Variants in UTRN observed in about 807,000 individuals in gnomAD.
The protein encoded by UTRN is utrophin, also known as dystrophin-related protein 1.
In UTRN, 283 loss-of-function variants were observed where a neutral mutation model predicts 463.9. That is an observed-to-expected ratio of 0.61 (90% CI 0.55 to 0.67). The LOEUF is 0.67. Among genes scored for constraint, UTRN ranks in the 30% least tolerant of loss-of-function variants. UTRN has a pLI of 0.00. For missense variants in UTRN, 3,922 were observed against 4,084.3 expected, an observed-to-expected ratio of 0.96 and a Z score of 1.08; for synonymous variants, 1,442 against 1,431.5, an observed-to-expected ratio of 1.01 and a Z score of -0.17.
chr6:144,531,487 CTG>C (rs1193079317), intron 42 of UTRN, among the ~76,000 whole-genome samples: 3 of 152,144 alleles, frequency 2.0e-5, no homozygotes. Flanking sequence ...AATTTGTAAA[CTG>C]TTATGCCTAA....
chr6:144,558,042 T>C (rs1479009497), intron 50 of UTRN, among the ~76,000 whole-genome samples: 1 of 152,240 alleles, frequency 6.6e-6, no homozygotes, highest in Non-Finnish European at 1.5e-5. Flanking sequence ...CGCACATCTT[T>C]ATTAAAATGC....
chr6:144,783,027 C>T (rs1045963173), intron 61 of UTRN, among the ~76,000 whole-genome samples: 1 of 152,006 alleles, frequency 6.6e-6, no homozygotes, highest in Non-Finnish European at 1.5e-5. Context: ...GAAACCCTGT[C>T]TCTACTAAAA....
chr6:144,787,201 G>A (rs1164817736), intron 61 of UTRN, among the ~76,000 whole-genome samples: 1 of 152,152 alleles, frequency 6.6e-6, no homozygotes, highest in African/African-American at 2.4e-5. Flanking sequence ...GGTCCAGAGA[G>A]TAAAAATTTC....
chr6:144,493,517 C>T (rs1793266343), intron 33 of UTRN, 61 bp downstream of exon 33: 2 of 1,520,862 alleles, frequency 1.3e-6, no homozygotes, highest in Non-Finnish European at 1.8e-6. Flanking sequence ...CTCAATCTCT[C>T]TCTCTCTCTC....
intron 62 of UTRN, among the ~76,000 whole-genome samples, chr6:144,792,302 T>A (rs1321771420): frequency 6.6e-6 from 1 of 152,146 alleles, no homozygotes; most frequent in Non-Finnish European, 1.5e-5. Context: ...TCCCCAGCAC[T>A]TTGGGAGGCC....
chr6:144,669,509 A>G (rs1780772514), intron 51 of UTRN, among the ~76,000 whole-genome samples: 1 of 152,140 alleles, frequency 6.6e-6, no homozygotes, highest in Non-Finnish European at 1.5e-5. Flanking sequence ...CCACTCTTTT[A>G]CTCTAAAAAC....
At chr6:144,375,180 T>C (rs1232942480) in intron 2 of UTRN, among the ~76,000 whole-genome samples, 1 of 152,242 alleles carries the variant, frequency 6.6e-6, no homozygotes, top group Non-Finnish European at 1.5e-5. Flanking sequence ...AGATGGACTC[T>C]ATTCTTTAGT....
At chr6:144,683,882 C>G (rs1310988584) in intron 52 of UTRN, among the ~76,000 whole-genome samples, 1 of 152,092 alleles carries the variant, frequency 6.6e-6, no homozygotes, top group African/African-American at 2.4e-5. Flanking sequence ...GGGACAATTG[C>G]CAGCCTCATT....
chr6:144,588,071 A>T (rs567849222), intron 51 of UTRN, among the ~76,000 whole-genome samples: 2 of 152,246 alleles, frequency 1.3e-5, no homozygotes, highest in African/African-American at 4.8e-5. Context: ...GGATACCCAC[A>T]CAGACTACTT....
intron 9 of UTRN, among the ~76,000 whole-genome samples, chr6:144,434,880 A>C (rs1326255343): frequency 1.3e-5 from 2 of 152,326 alleles, no homozygotes; most frequent in South Asian, 4.1e-4. Context: ...GTGGGTGGCC[A>C]GCTCTCCGGG....
intron 2 of UTRN, among the ~76,000 whole-genome samples, chr6:144,331,352 C>T (rs777741152): frequency 1.2e-4 from 18 of 151,902 alleles, no homozygotes; most frequent in Non-Finnish European, 2.6e-4. Flanking sequence ...GCACTTAATG[C>T]GTGTTTGTTG....
rs1235894770 is a variant in UTRN at position 144,490,162 on chromosome 6, G to A, written c.4226G>A (p.Arg1409Lys). The change falls in exon 31 of 75, where the codon AGG (arginine) becomes AAG (lysine). Residue 1409 changes from arginine (R) to lysine (K), a missense_variant. By Grantham distance (26) the Arg-to-Lys change is conservative (BLOSUM62 2). Coordinates refer to ENST00000367545, the MANE Select transcript of UTRN (RefSeq NM_007124.3). ...RSQPLTSPESRTARGGSQMDV... is the reference protein window; with the variant it reads ...RSQPLTSPESKTARGGSQMDV... ...CAGCCCCTGACCTCCCCAGAGAGTA[G>A]GACTGCCAGAGGAGGAAGTCAGATG... is the stretch of plus-strand genomic sequence containing the variant. The A allele has an allele frequency of 6.2e-7, 1 of 1,613,368 alleles. No homozygotes were observed. Among genetic ancestry groups the A allele is most frequent in the Non-Finnish European group, 8.5e-7 (1 of 1,179,652 alleles).
chr6:144,629,476 A>G (rs913549260), intron 51 of UTRN, among the ~76,000 whole-genome samples: 1 of 152,224 alleles, frequency 6.6e-6, no homozygotes, highest in Non-Finnish European at 1.5e-5. Flanking sequence ...CACTATTCCA[A>G]GTTATTGCTG....
intron 50 of UTRN, 92 bp from the exon 51 acceptor site, chr6:144,577,007 C>A: frequency 1.6e-6 from 2 of 1,259,444 alleles, no homozygotes; most frequent in Non-Finnish European, 1.1e-6. Context: ...CCTTTGGGGG[C>A]TGCCTGTTAG....
chr6:144,707,886 C>T (rs751303895), intron 53 of UTRN, among the ~76,000 whole-genome samples: 2 of 151,962 alleles, frequency 1.3e-5, no homozygotes, highest in East Asian at 1.9e-4. Flanking sequence ...CAAAACTATT[C>T]GTATAGAAAA....
intron 2 of UTRN, among the ~76,000 whole-genome samples, chr6:144,313,179 A>G (rs549934847): frequency 1.3e-5 from 2 of 152,290 alleles, no homozygotes; most frequent in African/African-American, 2.4e-5. Flanking sequence ...GAAGTAAAAA[A>G]TAAGCAATTT....
intron 51 of UTRN, among the ~76,000 whole-genome samples, chr6:144,642,980 C>G (rs944668615): frequency 3.9e-5 from 6 of 152,086 alleles, no homozygotes; most frequent in African/African-American, 1.4e-4. Flanking sequence ...AATCCCAAAT[C>G]CTCTGCTTCA....
chr6:144,788,024 A>T (rs892209001), intron 61 of UTRN, among the ~76,000 whole-genome samples: 1 of 152,156 alleles, frequency 6.6e-6, no homozygotes, highest in Non-Finnish European at 1.5e-5. Flanking sequence ...TGTGACTAAC[A>T]TTTGGTAGAT....
At chr6:144,774,828 A>C (rs1775174556) in intron 60 of UTRN, among the ~76,000 whole-genome samples, 1 of 152,234 alleles carries the variant, frequency 6.6e-6, no homozygotes, top group South Asian at 2.1e-4. Context: ...TTTCTTTTAA[A>C]TATATCTTGA....
Sources: allele counts gnomAD v4.1 joint callset (sites outside exome capture counted in the v4.1 genomes callset), GRCh38; gene constraint gnomAD v4.1.1; transcripts MANE v1.5; gene names NCBI Gene and HGNC (gene_info 2026-07-23, HGNC 2026-07-21).